Variants in DISC1 observed in about 807,000 individuals in gnomAD.
The protein encoded by DISC1 is disrupted in schizophrenia 1 protein.
In DISC1, 57 loss-of-function variants were observed where a neutral mutation model predicts 84.5. That is an observed-to-expected ratio of 0.67 (90% confidence interval 0.55 to 0.84). The LOEUF (loss-of-function observed/expected upper bound fraction) is 0.84, where lower values mean the gene tolerates loss of function less well. DISC1 is among the 40% of genes least tolerant of loss of function. The pLI is 0.00. For missense variants in DISC1, 1,000 were observed against 1,057.8 expected, an observed-to-expected ratio of 0.95 and a Z score of 0.76; for synonymous variants, 411 against 415.2, an observed-to-expected ratio of 0.99 and a Z score of 0.12.
At chr1:231,665,020 T>A (rs773732468) in intron 1 of DISC1, among the ~76,000 whole-genome samples, 1 of 152,074 alleles carries the variant, frequency 6.6e-6, no homozygotes, top group Non-Finnish European at 1.5e-5. Context: ...AAGTAAAAAT[T>A]TATCAAAACG....
chr1:231,661,075 A>C (rs2061525028), intron 1 of DISC1, among the ~76,000 whole-genome samples: 1 of 152,034 alleles, frequency 6.6e-6, no homozygotes, highest in Non-Finnish European at 1.5e-5. Context: ...TTGGCCCACA[A>C]TCTCTTCTGG....
chr1:231,773,992 G>A (rs950006028), intron 6 of DISC1, among the ~76,000 whole-genome samples: 8 of 152,074 alleles, frequency 5.3e-5, no homozygotes, highest in Non-Finnish European at 1.2e-4. Context: ...GCTGGGAACA[G>A]TGGCTCACAC....
intron 9 of DISC1, among the ~76,000 whole-genome samples, chr1:231,863,717 T>A (rs981080301): frequency 6.6e-6 from 1 of 152,206 alleles, no homozygotes; most frequent in African/African-American, 2.4e-5. Flanking sequence ...CATCCATTTC[T>A]TTGCCCTGGG....
At position 231,774,396 on chromosome 1, in the gene DISC1, T is replaced by C. The variant is rs539952701; in HGVS notation, c.1634+3326T>C. 8.5e-5 allele frequency among the ~76,000 whole-genome samples: 13 copies of C among 152,330 alleles called. No individual in the cohort carries two copies. In the South Asian group the frequency reaches 2.1e-3, roughly 24 times the overall value. On this transcript the variant is annotated intron_variant, in intron 6 of 12. Coordinates refer to ENST00000439617, the MANE Select transcript of DISC1 (RefSeq NM_018662.3). ...TTTTTCTCCTGCGATAAGGAAGTTA[T>C]ACAGGTGCCTGCAGCATGGAACACT...
At chr1:231,920,433 C>G (rs982780276) in intron 9 of DISC1, among the ~76,000 whole-genome samples, 8 of 152,202 alleles carry the variant, frequency 5.3e-5, no homozygotes, top group African/African-American at 1.9e-4. Context: ...CCTCCCCTCT[C>G]CCAGCCCCTG....
chr1:231,865,808 T>C (rs2085016239), intron 9 of DISC1, among the ~76,000 whole-genome samples: 2 of 152,198 alleles, frequency 1.3e-5, no homozygotes, highest in South Asian at 4.1e-4. Flanking sequence ...TCCATATTCA[T>C]ACAAGGCCCT....
chr1:232,002,477 A>G (rs930267175), intron 10 of DISC1, among the ~76,000 whole-genome samples: 1 of 152,076 alleles, frequency 6.6e-6, no homozygotes, highest in African/African-American at 2.4e-5. Flanking sequence ...AGTATCCGAG[A>G]TGTCTTTCTG....
chr1:231,796,618 C>A (rs1275556456), intron 7 of DISC1, among the ~76,000 whole-genome samples: 1 of 152,174 alleles, frequency 6.6e-6, no homozygotes, highest in Non-Finnish European at 1.5e-5. Flanking sequence ...GGTCACAGAG[C>A]CGCAGGTTTG....
At chr1:231,901,007 C>T (rs2088131347) in intron 9 of DISC1, among the ~76,000 whole-genome samples, 1 of 152,122 alleles carries the variant, frequency 6.6e-6, no homozygotes, top group South Asian at 2.1e-4. Context: ...AATGGCAAGG[C>T]AATATGGGAA....
At chr1:231,760,270 G>A (rs2075541188) in intron 4 of DISC1, among the ~76,000 whole-genome samples, 1 of 152,052 alleles carries the variant, frequency 6.6e-6, no homozygotes, top group African/African-American at 2.4e-5. Flanking sequence ...TGGTAATTTA[G>A]GGCATCGTTT....
intron 3 of DISC1, among the ~76,000 whole-genome samples, chr1:231,714,564 GAGAC>G (rs1290566962): frequency 6.6e-6 from 1 of 151,918 alleles, no homozygotes; most frequent in Non-Finnish European, 1.5e-5. Context: ...CAGAGAGAAA[GAGAC>G]AGAGAGATGG....
At chr1:231,983,780 C>G (rs1341079804) in intron 10 of DISC1, among the ~76,000 whole-genome samples, 1 of 152,096 alleles carries the variant, frequency 6.6e-6, no homozygotes, top group Non-Finnish European at 1.5e-5. Context: ...GCTGAGCAGT[C>G]AATGTACATT....
intron 9 of DISC1, among the ~76,000 whole-genome samples, chr1:231,891,236 A>T (rs2087187388): frequency 1.3e-5 from 2 of 152,200 alleles, no homozygotes; most frequent in Non-Finnish European, 2.9e-5. Flanking sequence ...GCAAAAAAAA[A>T]ATCTCATAAT....
chr1:231,689,602 G>A (rs1021534536), intron 1 of DISC1, among the ~76,000 whole-genome samples: 4 of 152,126 alleles, frequency 2.6e-5, no homozygotes, highest in Admixed American at 1.3e-4. Flanking sequence ...AAAGTGCTGG[G>A]ATTACAGGCA....
chr1:231,699,040 T>G (rs953765633), intron 2 of DISC1, among the ~76,000 whole-genome samples: 15 of 152,206 alleles, frequency 9.9e-5, no homozygotes, highest in Non-Finnish European at 1.6e-4. Context: ...TTTTTGCGTA[T>G]GCTTCATGTT....
intron 9 of DISC1, among the ~76,000 whole-genome samples, chr1:231,932,373 G>A (rs1004755160): frequency 2.0e-5 from 3 of 152,160 alleles, no homozygotes; most frequent in African/African-American, 7.2e-5. Flanking sequence ...AGAAGTAATA[G>A]CTATGGTACT....
chr1:231,677,650 A>G (rs973165609), intron 1 of DISC1, among the ~76,000 whole-genome samples: 4 of 152,238 alleles, frequency 2.6e-5, no homozygotes, highest in Non-Finnish European at 5.9e-5. Flanking sequence ...GTAACTTGTT[A>G]CGGATCACCC....
At chr1:231,896,434 C>G (rs912998301) in intron 9 of DISC1, among the ~76,000 whole-genome samples, 2 of 152,122 alleles carry the variant, frequency 1.3e-5, no homozygotes, top group Non-Finnish European at 2.9e-5. Flanking sequence ...AATTATATGC[C>G]GATTCTGACA....
At position 231,969,186 on chromosome 1, in the gene DISC1, G is replaced by GTTTTTTTTT. The variant is rs71573149; in HGVS notation, c.2042+10315_2042+10323dup. Among the ~76,000 whole-genome samples, 30 of 91,668 alleles carry GTTTTTTTTT rather than the reference G, an allele frequency of 3.3e-4. 1 individual carries two copies. Among genetic ancestry groups the GTTTTTTTTT allele is most frequent in the East Asian group, 6.2e-4 (2 of 3,248 alleles). 60.1% of individuals were successfully genotyped at this position (91,668 alleles called of 152,430 possible). On this transcript the variant is annotated intron_variant, in intron 10 of 12. Transcript: ENST00000439617. ...CTCCTGATTATCCAAACACTCAGCG[G>GTTTTTTTTT]TTTTTTTTTTTTTTTTTTTTTTTTT...
Sources: gnomAD v4.1 joint callset for allele counts (sites outside exome capture counted in the v4.1 genomes callset) on GRCh38, gnomAD v4.1.1 for gene constraint, MANE v1.5 for transcripts, NCBI Gene and HGNC (gene_info 2026-07-23, HGNC 2026-07-21) for gene names.